Variants in SNRNP70 observed in about 807,000 individuals in gnomAD.
SNRNP70 encodes U1 small nuclear ribonucleoprotein 70 kDa.
In SNRNP70, 8 loss-of-function variants were observed where a neutral mutation model predicts 50.5. That is an observed-to-expected ratio of 0.16 (90% confidence interval 0.09 to 0.29). The LOEUF (loss-of-function observed/expected upper bound fraction) is 0.29, where lower values mean the gene tolerates loss of function less well. Among genes scored for constraint, SNRNP70 ranks in the 10% least tolerant of loss-of-function variants. SNRNP70 has a pLI of 1.00. For synonymous variants in SNRNP70, 320 were observed against 252.9 expected (o/e 1.27, Z -2.52); for missense variants, 529 against 663.5 (o/e 0.80, Z 2.23).
In SNRNP70 at chr19:49,107,718, A is replaced by G. The variant is rs1327007717; in HGVS notation, c.665+6A>G. On this transcript the variant is annotated splice_donor_region_variant and intron_variant, in intron 9 of 9. Transcript: ENST00000598441. The surrounding 1 kb of genome is among the most constrained non-coding windows in gnomAD (Gnocchi z 6.0). The stretch of plus-strand genomic sequence containing the variant: ...ACCTCCCGCTACGATGAGAGGTAAG[A>G]TTGGGCGACCGGTGTCCTGGGGTGG... 15 of 1,613,376 alleles carry G rather than the reference A, an allele frequency of 9.3e-6. No homozygotes were observed. Among genetic ancestry groups the G allele is most frequent in the Non-Finnish European group, 1.2e-5 (14 of 1,179,814 alleles).
chr19:49,100,002 T>C (rs1340785233), intron 6 of SNRNP70, among the ~76,000 whole-genome samples: 1 of 152,238 alleles, frequency 6.6e-6, no homozygotes, highest in Non-Finnish European at 1.5e-5. Flanking sequence ...AGTGACAACC[T>C]TGGCCCCACC....
intron 2 of SNRNP70, among the ~76,000 whole-genome samples, chr19:49,088,881 C>T (rs2040414995): frequency 1.3e-5 from 2 of 152,218 alleles, no homozygotes; most frequent in South Asian, 4.1e-4. Flanking sequence ...GCTTTGGAGC[C>T]CTGTTCTGTC....
chr19:49,094,281 G>T (rs931814952), intron 4 of SNRNP70, among the ~76,000 whole-genome samples: 2 of 152,150 alleles, frequency 1.3e-5, no homozygotes, highest in African/African-American at 4.8e-5. Flanking sequence ...GAGGTGGGAG[G>T]ATTACTTGAG....
chr19:49,095,003 G>A (rs2040495193), intron 4 of SNRNP70, among the ~76,000 whole-genome samples: 1 of 152,266 alleles, frequency 6.6e-6, no homozygotes, highest in Non-Finnish European at 1.5e-5. Context: ...GATGTCCTGA[G>A]GGAGAGCTGC....
At chr19:49,102,448 G>A (rs73046792) in intron 7 of SNRNP70, 27,790 of 276,976 alleles carry the variant, frequency 0.1, 1,957 homozygotes, top group Non-Finnish European at 0.15. Flanking sequence ...CCCAGCCTCT[G>A]ATGACCCGGC....
chr19:49,100,958 C>T (rs1221542867), intron 6 of SNRNP70, among the ~76,000 whole-genome samples: 3 of 152,204 alleles, frequency 2.0e-5, no homozygotes, highest in Non-Finnish European at 4.4e-5. Flanking sequence ...TCAGCGACCA[C>T]ACTTCTCGGC....
Position 49,104,747 on chromosome 19 carries a change from C to G in SNRNP70, c.577+12C>G. 6.6e-7 allele frequency: 1 copy of G among 1,521,558 alleles called. No individual in the cohort carries two copies. The highest frequency in any genetic ancestry group is 8.9e-7 in the Non-Finnish European group (1 of 1,128,846). 94.3% of individuals were successfully genotyped at this position (1,521,558 alleles called of 1,614,324 possible). The stretch of plus-strand genomic sequence containing the variant: ...GCCCCGGCGGCTAGGTGAGCACATC[C>G]TGCCTTCGACGGGCTCTCGGGGGCC... On this transcript the variant is annotated intron_variant, in intron 8 of 9. Coordinates refer to ENST00000598441, the MANE Select transcript of SNRNP70 (RefSeq NM_003089.6). This position sits in a 1 kb window ranked among gnomAD's most constrained non-coding sequence, Gnocchi z 5.4.
chr19:49,098,473 T>C lies in SNRNP70; in HGVS notation c.312T>C (p.Thr104=). The stretch of plus-strand genomic sequence containing the variant: ...ATGCTCAGGGGGATGCCTTCAAGAC[T>C]CTCTTCGTGGCGAGAGTGGTAAGTC... ...DPNAQGDAFK[T]LFVARVNYDT... Residue 104 remains threonine (T), a synonymous_variant, in exon 5 of 10, where the codon ACT becomes ACC. Coordinates refer to ENST00000598441, the MANE Select transcript of SNRNP70 (RefSeq NM_003089.6). 1 of 1,613,762 alleles carries C rather than the reference T, an allele frequency of 6.2e-7. No individual in the cohort carries two copies. Among genetic ancestry groups the C allele is most frequent in the Non-Finnish European group, 8.5e-7 (1 of 1,179,816 alleles).
At chr19:49,099,415 G>A (rs562741040) in intron 6 of SNRNP70, among the ~76,000 whole-genome samples, 6 of 152,046 alleles carry the variant, frequency 3.9e-5, no homozygotes, top group South Asian at 4.1e-4. Flanking sequence ...GCAAGACCCC[G>A]TTCTCCACAC....
In SNRNP70 at chr19:49,104,789, T is replaced by C; in HGVS notation, c.577+54T>C. On this transcript the variant is annotated intron_variant, in intron 8 of 9. Coordinates refer to ENST00000598441, the MANE Select transcript of SNRNP70 (RefSeq NM_003089.6). This position sits in a 1 kb window ranked among gnomAD's most constrained non-coding sequence, Gnocchi z 5.4. Reference sequence around the variant, plus strand: ...TCGGGGGCCCTGGGCCTGGTGGCCTTGTTCTCCCTTCTCTGCTGCTTTCTG... The same window carrying C: ...TCGGGGGCCCTGGGCCTGGTGGCCTCGTTCTCCCTTCTCTGCTGCTTTCTG... 1 of 1,155,234 alleles carries C rather than the reference T, an allele frequency of 8.7e-7. No individual in the cohort carries two copies. The highest frequency in any genetic ancestry group is 1.2e-6 in the Non-Finnish European group (1 of 825,772). The allele number at this position is 1,155,234 out of a possible 1,614,324, so 71.6% of individuals were successfully genotyped here. A position where few individuals can be genotyped will look rare whatever the true frequency, so the allele number is the denominator to read the frequency against.
Position 49,107,849 on chromosome 19 carries a change from G to T in SNRNP70, c.720G>T (p.Glu240Asp). 1 of 1,566,518 alleles carries T rather than the reference G, an allele frequency of 6.4e-7. No individual in the cohort carries two copies. The highest frequency in any genetic ancestry group is 8.6e-7 in the Non-Finnish European group (1 of 1,156,158). ...HRDRDRDRERERRERSRERDK... is the reference protein window; with the variant it reads ...HRDRDRDRERDRRERSRERDK... The stretch of plus-strand genomic sequence containing the variant: ...ACCGGGACCGGGACCGTGAGCGGGA[G>T]CGCAGAGAGCGGAGCCGGGAGCGAG... The change falls in exon 10 of 10, where the codon GAG (glutamate) becomes GAT (aspartate). Residue 240 changes from glutamate to aspartate, a missense_variant. Glu to Asp is a conservative substitution (Grantham distance 45). This residue lies in a region of SNRNP70 where 53 missense variants were observed against 78.6 expected (regional missense o/e 0.67). Coordinates refer to ENST00000598441, the MANE Select transcript of SNRNP70 (RefSeq NM_003089.6). This position sits in a 1 kb window ranked among gnomAD's most constrained non-coding sequence, Gnocchi z 6.0.
At chr19:49,093,575 A>G (rs987664222) in intron 4 of SNRNP70, among the ~76,000 whole-genome samples, 2 of 146,010 alleles carry the variant, frequency 1.4e-5, no homozygotes, top group African/African-American at 5.1e-5. Context: ...GCTACTCGGG[A>G]GGCTGAGGCA....
chr19:49,098,444 C>A lies in SNRNP70; in HGVS notation c.283C>A (p.Pro95Thr). Residue 95 changes from proline to threonine, a missense_variant, in exon 5 of 10, where the codon CCC becomes ACC. Physicochemically the swap from Pro to Thr is conservative, Grantham distance 38. Transcript: ENST00000598441. ...CTGCACAGGGGACCCTCACAATGAT[C>A]CCAATGCTCAGGGGGATGCCTTCAA... Reference protein sequence around the residue: ...ELKMWDPHNDPNAQGDAFKTL... With the variant: ...ELKMWDPHNDTNAQGDAFKTL... 1.2e-6 allele frequency: 2 copies of A among 1,613,546 alleles called. No individual in the cohort carries two copies. Among genetic ancestry groups the A allele is most frequent in the South Asian group, 1.1e-5 (1 of 91,026 alleles).
chr19:49,098,113 G>A lies in SNRNP70; in HGVS notation c.266-314G>A, dbSNP rs376427096. On this transcript the variant is annotated intron_variant, in intron 4 of 9. Coordinates refer to ENST00000598441, the MANE Select transcript of SNRNP70 (RefSeq NM_003089.6). ...GATCACCTTGCATCTGGGAGCGATA[G>A]GGCCCTTAGGGTTTATGTAGGTCTG... 2.2e-4 allele frequency among the ~76,000 whole-genome samples: 33 copies of A among 152,332 alleles called. No homozygotes were observed. The East Asian group carries it at 4.4e-3, about 20-fold the overall frequency.
chr19:49,093,550 G>A (rs954986201), intron 4 of SNRNP70, among the ~76,000 whole-genome samples: 1 of 149,788 alleles, frequency 6.7e-6, no homozygotes, highest in African/African-American at 2.5e-5. Context: ...GTGGTGATGT[G>A]TACCTGTAAT....
rs1326143832 is a variant in SNRNP70, at chr19:49,107,937, G to A, written c.808G>A (p.Asp270Asn). Residue 270 changes from aspartate (D) to asparagine (N), a missense_variant, in exon 10 of 10, where the codon GAC becomes AAC. Asp to Asn is a conservative substitution (Grantham distance 23). Around this residue, in one of 4 missense-constraint regions of SNRNP70, gnomAD observed 327 missense variants for 308.8 expected, o/e 1.06. Transcript: ENST00000598441. The surrounding 1 kb of genome is among the most constrained non-coding windows in gnomAD (Gnocchi z 6.0). ...RDRRRRSRSR[D>N]KEERRRSRER... ...CCGGCGGAGGCGCTCACGGAGTCGCGACAAGGAGGAGCGGAGGCGCTCCAG... is the reference window on the plus strand; with the variant it reads ...CCGGCGGAGGCGCTCACGGAGTCGCAACAAGGAGGAGCGGAGGCGCTCCAG... 3 of 1,547,630 alleles carry A rather than the reference G, an allele frequency of 1.9e-6. No homozygotes were observed. The highest frequency in any genetic ancestry group is 2.6e-6 in the Non-Finnish European group (3 of 1,146,226).
intron 2 of SNRNP70, among the ~76,000 whole-genome samples, chr19:49,088,843 T>C (rs1175085615): frequency 6.6e-6 from 1 of 152,182 alleles, no homozygotes; most frequent in African/African-American, 2.4e-5. Flanking sequence ...AAGAGCTGCC[T>C]TGGCCCTCAG....
At chr19:49,099,392 C>T (rs1434315090) in intron 6 of SNRNP70, among the ~76,000 whole-genome samples, 7 of 151,806 alleles carry the variant, frequency 4.6e-5, no homozygotes. Context: ...TCGAGACCTG[C>T]CTGGGCAATA....
rs888863934 is a variant in SNRNP70, at chr19:49,107,163, C to T, written c.578-462C>T. Reference sequence around the variant, plus strand: ...AGGCCTGGGACACGCAGCCAAGAGCCGCGGCTCAGACGCTAGCAGGGCCCG... The same window carrying T: ...AGGCCTGGGACACGCAGCCAAGAGCTGCGGCTCAGACGCTAGCAGGGCCCG... On this transcript the variant is annotated intron_variant, in intron 8 of 9. Transcript: ENST00000598441. This position sits in a 1 kb window ranked among gnomAD's most constrained non-coding sequence, Gnocchi z 6.0. Among the ~76,000 whole-genome samples the T allele has an allele frequency of 2.0e-5, 3 of 152,336 alleles. No homozygotes were observed. The highest frequency in any genetic ancestry group is 2.9e-5 in the Non-Finnish European group (2 of 68,038).
Sources: gnomAD v4.1 joint callset for allele counts (sites outside exome capture counted in the v4.1 genomes callset) on GRCh38, gnomAD v4.1.1 for gene constraint, gnomAD v4.1.1 regional missense constraint, Gnocchi (gnomAD v3.1) non-coding constraint, MANE v1.5 for transcripts, NCBI Gene and HGNC (gene_info 2026-07-23, HGNC 2026-07-21) for gene names.